RAP2A: variants seen among roughly 807,000 people sequenced by gnomAD.
RAP2A encodes ras-related protein Rap-2a.
A neutral mutation model predicts 15.1 loss-of-function variants in RAP2A; 5 were observed. The ratio of observed to expected loss-of-function variants is 0.33; its 90% CI spans 0.17 to 0.70. The LOEUF (loss-of-function observed/expected upper bound fraction) is 0.70. RAP2A is among the 30% of genes least tolerant of loss of function. The pLI, the probability that RAP2A is intolerant of heterozygous loss-of-function variation, is 0.68. For synonymous variants in RAP2A, 110 were observed against 99.7 expected, an observed-to-expected ratio of 1.10 and a Z score of -0.62; for missense variants, 111 against 240.3, an observed-to-expected ratio of 0.46 and a Z score of 3.56.
At chr13:97,461,762 G>A (rs1340390612) in intron 1 of RAP2A, among the ~76,000 whole-genome samples, 1 of 151,718 alleles carries the variant, frequency 6.6e-6, no homozygotes, top group Admixed American at 6.6e-5. Context: ...AGGAGATCGA[G>A]ACCATCCTAG....
intron 1 of RAP2A, chr13:97,441,902 GT>G (rs537345920): frequency 2.6e-4 from 70 of 268,598 alleles, no homozygotes; most frequent in Non-Finnish European, 4.2e-4. Context: ...TAGATATTGT[GT>G]TTATGTAGGA....
chr13:97,458,805 A>G (rs2153180225), intron 1 of RAP2A, among the ~76,000 whole-genome samples: 2 of 152,288 alleles, frequency 1.3e-5, no homozygotes, highest in Admixed American at 1.3e-4. Flanking sequence ...TGATAAACAC[A>G]TCAAGTTCTT....
At chr13:97,436,595 G>A (rs2066635420) in intron 1 of RAP2A, among the ~76,000 whole-genome samples, 1 of 152,036 alleles carries the variant, frequency 6.6e-6, no homozygotes, top group Non-Finnish European at 1.5e-5. Flanking sequence ...TGGATAATAT[G>A]GTCCACATAA....
chr13:97,444,538 C>T (rs1323538696), intron 1 of RAP2A, among the ~76,000 whole-genome samples: 1 of 152,122 alleles, frequency 6.6e-6, no homozygotes, highest in Non-Finnish European at 1.5e-5. Context: ...TCACTATCAA[C>T]TAATATCATT....
At chr13:97,461,207 C>A (rs377718935) in intron 1 of RAP2A, among the ~76,000 whole-genome samples, 4 of 152,258 alleles carry the variant, frequency 2.6e-5, no homozygotes, top group Admixed American at 2.0e-4. Flanking sequence ...GGAAGCAGAG[C>A]CTCCAAATCT....
chr13:97,435,453 C>CTG (rs1252703149), intron 1 of RAP2A, among the ~76,000 whole-genome samples: 5 of 121,540 alleles, frequency 4.1e-5, no homozygotes, highest in Non-Finnish European at 8.6e-5. Context: ...ATATAGCCGC[C>CTG]TTAACCCCTT....
chr13:97,446,856 G>A (rs1313019532), intron 1 of RAP2A, among the ~76,000 whole-genome samples: 1 of 152,216 alleles, frequency 6.6e-6, no homozygotes, highest in Non-Finnish European at 1.5e-5. Context: ...TCAATATGAT[G>A]TAGAACAGAA....
chr13:97,457,213 G>T (rs1367652188), intron 1 of RAP2A, among the ~76,000 whole-genome samples: 2 of 151,556 alleles, frequency 1.3e-5, no homozygotes, highest in East Asian at 3.9e-4. Context: ...GGCTCAAAAG[G>T]TATGCAAAAG....
intron 1 of RAP2A, among the ~76,000 whole-genome samples, chr13:97,452,648 ACG>A (rs1209346150): frequency 5.2e-5 from 5 of 97,042 alleles, no homozygotes; most frequent in African/African-American, 1.3e-4. Context: ...ACACACACAC[ACG>A]CACACACACA....
chr13:97,448,819 G>A (rs575165624), intron 1 of RAP2A, among the ~76,000 whole-genome samples: 13 of 152,294 alleles, frequency 8.5e-5, no homozygotes, highest in African/African-American at 2.9e-4. Flanking sequence ...TTGGTGCTAG[G>A]AAGTAGGACA....
chr13:97,464,683 C>G lies in RAP2A; in HGVS notation c.*241C>G, dbSNP rs145959416. The G allele has an allele frequency of 1.8e-3, 947 of 536,844 alleles. 12 individuals are homozygous for G. Among genetic ancestry groups the G allele is most frequent in the African/African-American group, 0.017 (880 of 53,008 alleles). 33.3% of individuals were successfully genotyped at this position (536,844 alleles called of 1,614,324 possible). A position where few individuals can be genotyped will look rare whatever the true frequency, so the allele number is the denominator to read the frequency against. ...TGCATCTGCAACTTTAAGGCATAGT[C>G]CATCGATCTACAGGGTGATCTCATT... is the stretch of plus-strand genomic sequence containing the variant. On this transcript the variant is annotated 3_prime_UTR_variant, in exon 2 of 2. Coordinates refer to ENST00000245304, the MANE Select transcript of RAP2A (RefSeq NM_021033.7).
chr13:97,438,512 AC>A (rs1208631540), intron 1 of RAP2A, among the ~76,000 whole-genome samples: 2 of 151,972 alleles, frequency 1.3e-5, no homozygotes, highest in Admixed American at 1.3e-4. Context: ...GAAATATCAG[AC>A]CTTAGCAATG....
At chr13:97,460,186 C>T (rs1294383321) in intron 1 of RAP2A, among the ~76,000 whole-genome samples, 3 of 152,130 alleles carry the variant, frequency 2.0e-5, no homozygotes, top group African/African-American at 7.2e-5. Flanking sequence ...TATGTTTTGG[C>T]CCCATGAGAT....
chr13:97,464,659 G>T lies in RAP2A; in HGVS notation c.*217G>T. On this transcript the variant is annotated 3_prime_UTR_variant, in exon 2 of 2. Coordinates refer to ENST00000245304, the MANE Select transcript of RAP2A (RefSeq NM_021033.7). ...ACCATTTGTCCTCAGTCTCCTTTAT[G>T]CATCTGCAACTTTAAGGCATAGTCC... 1 of 574,730 alleles carries T rather than the reference G, an allele frequency of 1.7e-6. No individual in the cohort carries two copies. The allele number at this position is 574,730 out of a possible 1,614,324, so 35.6% of individuals were successfully genotyped here. A position where few individuals can be genotyped will look rare whatever the true frequency, so the allele number is the denominator to read the frequency against.
At chr13:97,453,197 C>G (rs972840072) in intron 1 of RAP2A, among the ~76,000 whole-genome samples, 4 of 151,338 alleles carry the variant, frequency 2.6e-5, no homozygotes, top group African/African-American at 9.7e-5. Flanking sequence ...TAATTACATG[C>G]AGTTTTATGA....
At chr13:97,441,754 CTT>C (rs1302930991) in intron 1 of RAP2A, 3 of 449,438 alleles carry the variant, frequency 6.7e-6, no homozygotes, top group Non-Finnish European at 1.3e-5. Context: ...TTTTTACACA[CTT>C]ATATTTTTCA....
chr13:97,450,176 A>G (rs1293380000), intron 1 of RAP2A, among the ~76,000 whole-genome samples: 1 of 152,204 alleles, frequency 6.6e-6, no homozygotes, highest in Non-Finnish European at 1.5e-5. Context: ...TTAAAAAAGT[A>G]GTGTAATTGA....
chr13:97,442,866 G>C (rs1441180863), intron 1 of RAP2A, among the ~76,000 whole-genome samples: 2 of 152,120 alleles, frequency 1.3e-5, no homozygotes, highest in Admixed American at 1.3e-4. Flanking sequence ...CTGTAATTCA[G>C]AGAAAGATAG....
At chr13:97,460,748 T>G (rs2066742893) in intron 1 of RAP2A, among the ~76,000 whole-genome samples, 1 of 152,318 alleles carries the variant, frequency 6.6e-6, no homozygotes, top group South Asian at 2.1e-4. Context: ...GGCCAGTATA[T>G]TCTCTCGAGT....
Sources: gnomAD v4.1 joint callset for allele counts (sites outside exome capture counted in the v4.1 genomes callset) on GRCh38, gnomAD v4.1.1 for gene constraint, MANE v1.5 for transcripts, NCBI Gene and HGNC (gene_info 2026-07-23, HGNC 2026-07-21) for gene names.